The following MEFV variants were observed in gnomAD, a reference collection of about 807,000 sequenced individuals.
The protein encoded by MEFV is pyrin.
MEFV carries 60 observed loss-of-function variants against 62.5 expected under a neutral mutation model. The observed-to-expected ratio is 0.96, with a 90% CI of 0.78 to 1.19. The LOEUF (loss-of-function observed/expected upper bound fraction) is 1.19. Ranked by LOEUF, MEFV falls within the 50% of genes most tolerant of loss-of-function variation. The pLI, the probability that MEFV is intolerant of heterozygous loss-of-function variation, is 0.00. For synonymous variants in MEFV, 500 were observed against 415.2 expected (o/e 1.20, Z -2.48); for missense variants, 1,169 against 1,004.5 (o/e 1.16, Z -2.21).
rs104895147 is a variant in MEFV, at chr16:3,243,566, T to C, written c.1921A>G (p.Ile641Val). ...AGGAAACTCGGAGAGCCCAGAACAA[T>C]GATACAGCTGTCAAATCTTTGCGGG... ...DGPQRFDSCI[I>V]VLGSPSFLSG... The change falls in exon 10 of 10, where the codon ATT becomes GTT. Residue 641 changes from isoleucine (I) to valine (V), a missense_variant. Coordinates refer to ENST00000219596, the MANE Select transcript of MEFV (RefSeq NM_000243.3). 6.2e-7 allele frequency: 1 copy of C among 1,609,860 alleles called. No homozygotes were observed. The highest frequency in any genetic ancestry group is 1.7e-5 in the Admixed American group (1 of 59,466).
chr16:3,255,079 G>A (rs1959096182), intron 1 of MEFV, among the ~76,000 whole-genome samples: 2 of 152,198 alleles, frequency 1.3e-5, no homozygotes, highest in Admixed American at 6.5e-5. Context: ...CTTCTCCAGA[G>A]GCCAAGGTGG....
chr16:3,255,710 C>A (rs1439926743), intron 1 of MEFV, among the ~76,000 whole-genome samples: 1 of 152,058 alleles, frequency 6.6e-6, no homozygotes, highest in Non-Finnish European at 1.5e-5. Flanking sequence ...CATGCCTAGC[C>A]TATATTTCTC....
chr16:3,253,104 C>A (rs1959061256), intron 2 of MEFV, among the ~76,000 whole-genome samples: 1 of 151,806 alleles, frequency 6.6e-6, no homozygotes, highest in South Asian at 2.1e-4. Flanking sequence ...ATAGGGACAG[C>A]TGCTTAAAAA....
At position 3,243,260 on chromosome 16, in the gene MEFV, A is replaced by G. The variant is rs876661026; in HGVS notation, c.2227T>C (p.Phe743Leu). Residue 743 changes from phenylalanine (F) to leucine (L), a missense_variant, in exon 10 of 10, where the codon TTC becomes CTC. Phe to Leu is a conservative substitution (Grantham distance 22, BLOSUM62 0). Coordinates refer to ENST00000219596, the MANE Select transcript of MEFV (RefSeq NM_000243.3). ...GGCCCAGAGAAAGAGCAGCTGGCGA[A>G]TGTATAGATGTGGGATCTGGCTGTC... ...NVTARSHIYT[F>L]ASCSFSGPLQ... The G allele has an allele frequency of 6.2e-7, 1 of 1,614,052 alleles. No homozygotes were observed. Among genetic ancestry groups the G allele is most frequent in the Non-Finnish European group, 8.5e-7 (1 of 1,180,032 alleles).
At chr16:3,247,549 G>C (rs1958961498) in intron 4 of MEFV, 2 of 381,188 alleles carry the variant, frequency 5.2e-6, no homozygotes, top group African/African-American at 6.5e-5. Context: ...CTTATTTGGA[G>C]ATAAGAGTTC....
intron 6 of MEFV, among the ~76,000 whole-genome samples, chr16:3,245,466 AC>A (rs1349825532): frequency 6.6e-6 from 1 of 151,538 alleles, no homozygotes; most frequent in Non-Finnish European, 1.5e-5. Flanking sequence ...ATATGGTGAA[AC>A]CCTGTCTACC....
Position 3,248,585 on chromosome 16 carries a change from G to A in MEFV, c.1356+324C>T, listed in dbSNP as rs1001641114. ...AACCTGGGTGACAGAGCGAGACTCCGTCACAAAAAAAGAAAGTGGCGTTCT... is the reference window on the plus strand; with the variant it reads ...AACCTGGGTGACAGAGCGAGACTCCATCACAAAAAAAGAAAGTGGCGTTCT... On this transcript the variant is annotated intron_variant, in intron 4 of 9. Coordinates refer to ENST00000219596, the MANE Select transcript of MEFV (RefSeq NM_000243.3). The A allele has an allele frequency of 7.2e-5, 34 of 475,478 alleles. No individual in the cohort carries two copies. In the Middle Eastern group the frequency reaches 1.7e-3, roughly 24 times the overall value. 29.5% of individuals were successfully genotyped at this position (475,478 alleles called of 1,614,324 possible). A position where few individuals can be genotyped will look rare whatever the true frequency, so the allele number is the denominator to read the frequency against.
rs779572391 is a variant in MEFV at position 3,243,684 on chromosome 16, A to T, written c.1803T>A (p.Ile601=). The change falls in exon 10 of 10, where the codon ATT becomes ATA. Residue 601 remains isoleucine, a synonymous_variant. Transcript: ENST00000219596. ...TGGGGTAAGCGGTTTCTGCATCCAG[A>T]ATCACATTAACTGCAAAGAAAATTT... ...IGAQAHAVNV[I]LDAETAYPNL... 1.2e-5 allele frequency: 20 copies of T among 1,609,750 alleles called. No homozygotes were observed. Among genetic ancestry groups the T allele is most frequent in the Non-Finnish European group, 1.6e-5 (19 of 1,177,974 alleles).
At chr16:3,244,889 CCT>C in intron 6 of MEFV, among the ~76,000 whole-genome samples, 1 of 152,216 alleles carries the variant, frequency 6.6e-6, no homozygotes, top group Middle Eastern at 3.4e-3. Flanking sequence ...ATTATACACC[CCT>C]TTCTTTCTAT....
At position 3,244,068 on chromosome 16, in the gene MEFV, C is replaced by T. The variant is rs538863514; in HGVS notation, c.1760-176G>A. 2.4e-5 allele frequency: 37 copies of T among 1,551,470 alleles called. 1 individual carries two copies. Among genetic ancestry groups the T allele is most frequent in the Non-Finnish European group, 3.1e-5 (36 of 1,147,370 alleles). On this transcript the variant is annotated intron_variant, in intron 8 of 9. Transcript: ENST00000219596. The stretch of plus-strand genomic sequence containing the variant: ...CCCAGGCCATGTTGGGGACTGTGGT[C>T]TAATGAGTCAACTCAGTCAATGAGT...
At chr16:3,245,171 C>T (rs1475779199) in intron 6 of MEFV, among the ~76,000 whole-genome samples, 1 of 152,144 alleles carries the variant, frequency 6.6e-6, no homozygotes, top group East Asian at 1.9e-4. Context: ...GCCTGTAGTC[C>T]CAGCTACTCA....
Position 3,254,666 on chromosome 16 carries a change from CG to C in MEFV, c.401del (p.Pro134ArgfsTer25). 6.2e-7 allele frequency: 1 copy of C among 1,611,034 alleles called. No individual in the cohort carries two copies. The highest frequency in any genetic ancestry group is 8.5e-7 in the Non-Finnish European group (1 of 1,179,366). On this transcript the variant is annotated frameshift_variant, in exon 2 of 10. Transcript: ENST00000219596. LOFTEE classifies it high-confidence loss of function. ...PEGNEGNGPR[P>X]YGGGAASLRC... ...GCAGGCTGGCAGCTCCGCCCCCGTA[CG>C]GCCGAGGGCCGTTCCCCTCGTTCCC... is the stretch of plus-strand genomic sequence containing the variant.
In MEFV at chr16:3,243,160, C is replaced by A. The variant is rs1479429941; in HGVS notation, c.2327G>T (p.Gly776Val). Reference protein sequence around the residue: ...NTAPLTICPVGGQGPD With the variant: ...NTAPLTICPVVGQGPD ...GGGCATTCAGTCAGGCCCCTGACCACCCACTGGACAGATAGTCAGAGGAGC... is the reference window on the plus strand; with the variant it reads ...GGGCATTCAGTCAGGCCCCTGACCAACCACTGGACAGATAGTCAGAGGAGC... The change falls in exon 10 of 10, where the codon GGT (glycine) becomes GTT (valine). Residue 776 changes from glycine to valine, a missense_variant. By Grantham distance (109) the Gly-to-Val change is moderately radical. Coordinates refer to ENST00000219596, the MANE Select transcript of MEFV (RefSeq NM_000243.3). 1 of 1,613,712 alleles carries A rather than the reference C, an allele frequency of 6.2e-7. No individual in the cohort carries two copies.
chr16:3,245,107 C>T (rs754777816), intron 6 of MEFV, among the ~76,000 whole-genome samples: 16 of 151,854 alleles, frequency 1.1e-4, no homozygotes, highest in Non-Finnish European at 1.3e-4. Context: ...GGCAACATGG[C>T]GAAACCCTGT....
At chr16:3,251,888 C>T (rs1455531358) in intron 2 of MEFV, 2 of 215,556 alleles carry the variant, frequency 9.3e-6, no homozygotes, top group Non-Finnish European at 1.0e-5. Flanking sequence ...ATTAACGAAG[C>T]GGCCCTAGAA....
rs541631615 is a variant in MEFV, at chr16:3,250,648, G to A, written c.911-868C>T. 3.4e-4 allele frequency among the ~76,000 whole-genome samples: 51 copies of A among 151,908 alleles called. 2 individuals are homozygous for A. The South Asian group carries it at 0.01, about 30-fold the overall frequency. On this transcript the variant is annotated intron_variant, in intron 2 of 9. Transcript: ENST00000219596. ...AGGGCTAAAGACTGGAACTCATCATGAAGACCTAACAGTTATGAATAGCTC... is the reference window on the plus strand; with the variant it reads ...AGGGCTAAAGACTGGAACTCATCATAAAGACCTAACAGTTATGAATAGCTC...
At position 3,254,416 on chromosome 16, in the gene MEFV, C is replaced by A; in HGVS notation, c.652G>T (p.Gly218Trp). ...CACTCCTTCTGCCCCGGGGCGCCCC[C>A]CGCCAGCCCCTGCAGCCTCCCCGCG... The part of the protein sequence containing the change: ...SSAGRLQGLA[G>W]GAPGQKECRP... The change falls in exon 2 of 10, where the codon GGG (glycine) becomes TGG (tryptophan). Residue 218 changes from glycine (G) to tryptophan (W), a missense_variant. Gly to Trp is a radical substitution (Grantham distance 184). Transcript: ENST00000219596. 6.2e-7 allele frequency: 1 copy of A among 1,612,856 alleles called. No homozygotes were observed. Among genetic ancestry groups the A allele is most frequent in the South Asian group, 1.1e-5 (1 of 91,082 alleles).
intron 4 of MEFV, chr16:3,248,645 G>A: frequency 3.9e-6 from 4 of 1,028,994 alleles, no homozygotes; most frequent in Non-Finnish European, 5.3e-6. Context: ...TTCTGCAGTA[G>A]TCACCGGCAT....
At position 3,243,637 on chromosome 16, in the gene MEFV, A is replaced by C. The variant is rs1248511262; in HGVS notation, c.1850T>G (p.Leu617Arg). Residue 617 changes from leucine to arginine, a missense_variant, in exon 10 of 10, where the codon CTG (leucine) becomes CGG (arginine). Leu to Arg is a moderately radical substitution (Grantham distance 102). Transcript: ENST00000219596. ...AYPNLIFSDD[L>R]KSVRLGNKWE... is the part of the protein sequence containing the mutation. Reference sequence around the variant, plus strand: ...CTTGTTTCCAAGTCTAACACTCTTCAGATCATCAGAGAAGATGAGGTTGGG... The same window carrying C: ...CTTGTTTCCAAGTCTAACACTCTTCCGATCATCAGAGAAGATGAGGTTGGG... 3.1e-6 allele frequency: 5 copies of C among 1,598,362 alleles called. No homozygotes were observed. The highest frequency in any genetic ancestry group is 4.3e-6 in the Non-Finnish European group (5 of 1,172,658).
Sources: gnomAD v4.1 joint callset for allele counts (sites outside exome capture counted in the v4.1 genomes callset) on GRCh38, gnomAD v4.1.1 for gene constraint, MANE v1.5 for transcripts, NCBI Gene and HGNC (gene_info 2026-07-23, HGNC 2026-07-21) for gene names.